The following KCNT2 variants were observed in gnomAD, a reference collection of about 807,000 sequenced individuals.
KCNT2 encodes the protein potassium channel subfamily T member 2.
In KCNT2, 67 loss-of-function variants were observed where a neutral mutation model predicts 153.8. That is an observed-to-expected ratio of 0.44 (90% CI 0.36 to 0.53). KCNT2 has a LOEUF of 0.53. Among genes scored for constraint, KCNT2 ranks in the 20% least tolerant of loss-of-function variants. The probability of loss-of-function intolerance (pLI) is 0.00; values close to 1 mark genes in which losing one functional copy is unlikely to be tolerated. For missense variants in KCNT2, 975 were observed against 1,354.8 expected, an observed-to-expected ratio of 0.72 and a Z score of 4.40; for synonymous variants, 500 against 458.8, an observed-to-expected ratio of 1.09 and a Z score of -1.15.
In KCNT2 at chr1:196,273,332, G is replaced by A. The variant is rs1658245057; in HGVS notation, c.2910+7528C>T. 7 of 594,184 alleles carry A rather than the reference G, an allele frequency of 1.2e-5. No homozygotes were observed. In the South Asian group the frequency reaches 1.4e-4, roughly 11 times the overall value. 36.8% of individuals were successfully genotyped at this position (594,184 alleles called of 1,614,324 possible). On this transcript the variant is annotated intron_variant, in intron 25 of 27. Coordinates refer to ENST00000294725, the MANE Select transcript of KCNT2 (RefSeq NM_198503.5). ...TAATTTGAAAAGAAAACATTTATAT[G>A]CATTTAAGTTTAAATGATTTATTTC...
intron 1 of KCNT2, among the ~76,000 whole-genome samples, chr1:196,515,927 A>G (rs1262820943): frequency 6.6e-6 from 1 of 152,184 alleles, no homozygotes; most frequent in African/African-American, 2.4e-5. Context: ...CCCTTAGATC[A>G]GGAGATCCCC....
intron 21 of KCNT2, among the ~76,000 whole-genome samples, chr1:196,314,649 C>T (rs921708702): frequency 1.3e-4 from 20 of 151,538 alleles, no homozygotes; most frequent in South Asian, 2.1e-4. Context: ...ACTGCAAGGT[C>T]GGTTATTTTC....
intron 8 of KCNT2, among the ~76,000 whole-genome samples, chr1:196,450,471 T>G (rs1228313755): frequency 6.6e-6 from 1 of 151,948 alleles, no homozygotes; most frequent in Non-Finnish European, 1.5e-5. Flanking sequence ...ACTCCTTATT[T>G]CCATTCCTTT....
Position 196,258,453 on chromosome 1 carries a change from T to C in KCNT2, c.2952A>G (p.Lys984=). Reference sequence around the variant, plus strand: ...GGTGGTGCCCTTGTTCTTTGGAGTCTTTGGTGTCTTCCCACTCTTCTACAC... The same window carrying C: ...GGTGGTGCCCTTGTTCTTTGGAGTCCTTGGTGTCTTCCCACTCTTCTACAC... The part of the protein sequence containing the change: ...SISVEEWEDT[K]DSKEQGHHRS... Residue 984 remains lysine, a synonymous_variant, in exon 26 of 28, where the codon AAA becomes AAG. Transcript: ENST00000294725. 6.2e-7 allele frequency: 1 copy of C among 1,613,276 alleles called. No homozygotes were observed. The highest frequency in any genetic ancestry group is 8.5e-7 in the Non-Finnish European group (1 of 1,179,636).
At chr1:196,471,096 AC>A in intron 5 of KCNT2, among the ~76,000 whole-genome samples, 1 of 151,476 alleles carries the variant, frequency 6.6e-6, no homozygotes, top group South Asian at 2.1e-4. Flanking sequence ...TTTACTAAAG[AC>A]GGGGTTTCAC....
chr1:196,407,929 T>C (rs777602128), intron 12 of KCNT2, among the ~76,000 whole-genome samples: 7 of 151,428 alleles, frequency 4.6e-5, no homozygotes, highest in Non-Finnish European at 1.0e-4. Context: ...CCCCTCAGTG[T>C]GAATAAACAT....
chr1:196,242,774 A>G (rs969415746), intron 26 of KCNT2, among the ~76,000 whole-genome samples: 1 of 152,144 alleles, frequency 6.6e-6, no homozygotes, highest in African/African-American at 2.4e-5. Flanking sequence ...GCTTCATACT[A>G]TATAATACAG....
chr1:196,371,770 C>G (rs1029742614), intron 14 of KCNT2, among the ~76,000 whole-genome samples: 2 of 151,878 alleles, frequency 1.3e-5, no homozygotes, highest in African/African-American at 2.4e-5. Flanking sequence ...TACTGTTTGT[C>G]AATAAATAAT....
intron 1 of KCNT2, among the ~76,000 whole-genome samples, chr1:196,505,598 T>C (rs1009909074): frequency 4.6e-5 from 7 of 152,304 alleles, no homozygotes; most frequent in African/African-American, 1.4e-4. Flanking sequence ...AATTTTAAGG[T>C]AGTTTCTTCC....
At chr1:196,428,498 G>A (rs1437982431) in intron 9 of KCNT2, among the ~76,000 whole-genome samples, 1 of 152,024 alleles carries the variant, frequency 6.6e-6, no homozygotes, top group Non-Finnish European at 1.5e-5. Flanking sequence ...ACATGATTTT[G>A]CTATCACATA....
At chr1:196,279,359 C>T (rs1658877655) in intron 25 of KCNT2, among the ~76,000 whole-genome samples, 1 of 152,026 alleles carries the variant, frequency 6.6e-6, no homozygotes, top group African/African-American at 2.4e-5. Flanking sequence ...GAACCACAAC[C>T]ACCACAGGAA....
At chr1:196,602,359 T>G (rs1374891080) in intron 1 of KCNT2, among the ~76,000 whole-genome samples, 2 of 152,130 alleles carry the variant, frequency 1.3e-5, no homozygotes, top group African/African-American at 4.8e-5. Flanking sequence ...ATACATAAAT[T>G]AATAAAAACA....
chr1:196,571,594 T>C (rs1660782502), intron 1 of KCNT2, among the ~76,000 whole-genome samples: 1 of 152,146 alleles, frequency 6.6e-6, no homozygotes, highest in Admixed American at 6.6e-5. Flanking sequence ...ACCTCTATTG[T>C]GGAACACTTG....
At chr1:196,463,097 A>G (rs984404941) in intron 8 of KCNT2, among the ~76,000 whole-genome samples, 63 of 151,748 alleles carry the variant, frequency 4.2e-4, no homozygotes, top group African/African-American at 1.4e-3. Context: ...TATAAGGAAA[A>G]TTATTCCCCA....
intron 13 of KCNT2, among the ~76,000 whole-genome samples, chr1:196,392,419 G>A (rs1670570696): frequency 1.3e-5 from 2 of 151,250 alleles, no homozygotes; most frequent in Admixed American, 6.6e-5. Context: ...TTTATATTTT[G>A]AAAATATAAC....
At chr1:196,358,181 C>G (rs1004758395) in intron 14 of KCNT2, among the ~76,000 whole-genome samples, 1 of 151,606 alleles carries the variant, frequency 6.6e-6, no homozygotes, top group Admixed American at 6.6e-5. Flanking sequence ...TATATTCCAA[C>G]TCTGCATTTT....
chr1:196,230,036 G>A (rs1389562230), intron 27 of KCNT2, among the ~76,000 whole-genome samples: 2 of 152,024 alleles, frequency 1.3e-5, no homozygotes, highest in Admixed American at 6.6e-5. Context: ...CTATTAATAA[G>A]ATTATTGATG....
At chr1:196,456,183 T>C (rs747135868) in intron 8 of KCNT2, among the ~76,000 whole-genome samples, 12 of 151,970 alleles carry the variant, frequency 7.9e-5, no homozygotes, top group Non-Finnish European at 1.5e-4. Context: ...GAAAAGGATG[T>C]CTTAAGCAGA....
At chr1:196,428,578 C>T (rs1379828669) in intron 9 of KCNT2, among the ~76,000 whole-genome samples, 3 of 152,038 alleles carry the variant, frequency 2.0e-5, no homozygotes, top group Non-Finnish European at 4.4e-5. Flanking sequence ...AGAAAAGCCT[C>T]ATTGCTATTT....
Sources: gnomAD v4.1 joint callset for allele counts (sites outside exome capture counted in the v4.1 genomes callset) on GRCh38, gnomAD v4.1.1 for gene constraint, MANE v1.5 for transcripts, NCBI Gene and HGNC (gene_info 2026-07-23, HGNC 2026-07-21) for gene names.